CTNNA1: variants seen among roughly 807,000 people sequenced by gnomAD.
CTNNA1 encodes the protein catenin alpha 1.
CTNNA1 carries 37 observed loss-of-function variants against 98.4 expected under a neutral mutation model. The ratio of observed to expected loss-of-function variants is 0.38; its 90% confidence interval spans 0.29 to 0.49. The LOEUF is 0.49. Among genes scored for constraint, CTNNA1 ranks in the 20% least tolerant of loss-of-function variants. CTNNA1 has a pLI of 0.95. For synonymous variants in CTNNA1, 404 were observed against 413.2 expected (o/e 0.98, Z 0.27); for missense variants, 761 against 1,147.2 (o/e 0.66, Z 4.86).
intron 7 of CTNNA1, among the ~76,000 whole-genome samples, chr5:138,842,175 C>T (rs551394528): frequency 4.6e-5 from 7 of 152,284 alleles, no homozygotes; most frequent in Non-Finnish European, 7.4e-5. Context: ...TGGCACACAC[C>T]TGTAGTTCCA....
chr5:138,874,275 G>T lies in CTNNA1; in HGVS notation c.1063-11937G>T. ...GCATCTTCTTTTACTGTTGAAATTT[G>T]ATTGTGATCTAAGTGGAGCCAAGTA... is the stretch of plus-strand genomic sequence containing the variant. On this transcript the variant is annotated intron_variant, in intron 7 of 17. Transcript: ENST00000302763. This position sits in a 1 kb window ranked among gnomAD's most constrained non-coding sequence, Gnocchi z 4.1. The T allele has an allele frequency of 6.2e-7, 1 of 1,613,982 alleles. No individual in the cohort carries two copies. The highest frequency in any genetic ancestry group is 8.5e-7 in the Non-Finnish European group (1 of 1,179,890).
At chr5:138,796,138 ACTTCT>A (rs1268368288) in intron 3 of CTNNA1, among the ~76,000 whole-genome samples, 1 of 152,208 alleles carries the variant, frequency 6.6e-6, no homozygotes, top group Non-Finnish European at 1.5e-5. Flanking sequence ...CAAACTAAAG[ACTTCT>A]CTTTAATACT....
At chr5:138,886,327 G>A in intron 8 of CTNNA1, 35 bp downstream of exon 8, 1 of 1,548,430 alleles carries the variant, frequency 6.5e-7, no homozygotes, top group Non-Finnish European at 8.7e-7. Context: ...GTTTTTCTAA[G>A]TTCTCAATTT....
chr5:138,769,541 AT>A (rs1240164111), intron 1 of CTNNA1, among the ~76,000 whole-genome samples: 1 of 149,580 alleles, frequency 6.7e-6, no homozygotes, highest in Non-Finnish European at 1.5e-5. Flanking sequence ...ATTTTATTTT[AT>A]TTTTTTTGAG....
chr5:138,832,091 G>C (rs1761329010), intron 7 of CTNNA1, among the ~76,000 whole-genome samples: 1 of 152,202 alleles, frequency 6.6e-6, no homozygotes, highest in Admixed American at 6.5e-5. Flanking sequence ...TTAAGTGAAA[G>C]TGATATCTTA....
chr5:138,771,162 A>G (rs1009292600), intron 1 of CTNNA1, among the ~76,000 whole-genome samples: 1 of 151,336 alleles, frequency 6.6e-6, no homozygotes, highest in African/African-American at 2.4e-5. Context: ...TAGTGACTAT[A>G]CAAAGGAGGC....
chr5:138,851,018 G>T (rs542463298), intron 7 of CTNNA1, among the ~76,000 whole-genome samples: 3 of 152,304 alleles, frequency 2.0e-5, no homozygotes, highest in Non-Finnish European at 2.9e-5. Flanking sequence ...GAAGAAAGAA[G>T]ATGATTCAGT....
At chr5:138,839,508 T>C (rs1012913639) in intron 7 of CTNNA1, among the ~76,000 whole-genome samples, 6 of 152,222 alleles carry the variant, frequency 3.9e-5, no homozygotes, top group Non-Finnish European at 8.8e-5. Flanking sequence ...GCCTGTATTC[T>C]GTTATTGTTG....
rs1215283244 is a variant in CTNNA1 at position 138,886,237 on chromosome 5, C to A, written c.1088C>A (p.Ala363Glu). ...GNAGRKERSD[A>E]LNSAIDKMTK... is the part of the protein sequence containing the mutation. ...GCTGGACGTAAAGAAAGAAGTGATG[C>A]ACTCAATTCTGCAATAGATAAAATG... Residue 363 changes from alanine (A) to glutamate (E), a missense_variant, in exon 8 of 18, where the codon GCA (alanine) becomes GAA (glutamate). Coordinates refer to ENST00000302763, the MANE Select transcript of CTNNA1 (RefSeq NM_001903.5). 6.2e-7 allele frequency: 1 copy of A among 1,611,064 alleles called. No individual in the cohort carries two copies. Among genetic ancestry groups the A allele is most frequent in the Non-Finnish European group, 8.5e-7 (1 of 1,178,604 alleles).
In CTNNA1 at chr5:138,815,988, TCCATTGG is replaced by T. The variant is rs1296947612; in HGVS notation, c.588+3689_588+3695del. Among the ~76,000 whole-genome samples, 3 of 152,212 alleles carry T rather than the reference TCCATTGG, an allele frequency of 2.0e-5. No individual in the cohort carries two copies. The East Asian group carries it at 5.8e-4, about 29-fold the overall frequency. The stretch of plus-strand genomic sequence containing the variant: ...ACTTCATTATTTCTTTTGGGCACTG[TCCATTGG>T]CCTCCTTCAGTAGAATTTATTCCTC... On this transcript the variant is annotated intron_variant, in intron 5 of 17. Coordinates refer to ENST00000302763, the MANE Select transcript of CTNNA1 (RefSeq NM_001903.5).
rs1257232228 is a variant in CTNNA1, at chr5:138,899,782, A to C, written c.1297-4567A>C. Among the ~76,000 whole-genome samples the C allele has an allele frequency of 3.3e-5, 5 of 152,316 alleles. No homozygotes were observed. In the East Asian group the frequency reaches 9.6e-4, roughly 29 times the overall value. ...TTTCTAGCCTCTGACAATTTCTCTT[A>C]ATTTTTCACCTGCCTAGCTCTGCAT... On this transcript the variant is annotated intron_variant, in intron 9 of 17. Coordinates refer to ENST00000302763, the MANE Select transcript of CTNNA1 (RefSeq NM_001903.5).
At chr5:138,846,577 G>A (rs951345082) in intron 7 of CTNNA1, among the ~76,000 whole-genome samples, 3 of 151,996 alleles carry the variant, frequency 2.0e-5, no homozygotes, top group African/African-American at 7.3e-5. Flanking sequence ...TTTGAAACAC[G>A]GCCTGTGTCT....
rs140414376 is a variant in CTNNA1 at position 138,933,111 on chromosome 5, G to C, written c.2433+399G>C. Among the ~76,000 whole-genome samples the C allele has an allele frequency of 2.9e-3, 441 of 152,288 alleles. 3 individuals carry two copies. Among genetic ancestry groups the C allele is most frequent in the African/African-American group, 1.0e-2 (415 of 41,536 alleles). On this transcript the variant is annotated intron_variant, in intron 17 of 17. Transcript: ENST00000302763. ...ATGGCACCACTGCACTCCCGTCTGG[G>C]CAACAGAACAAGACTGTCTCAAAAC...
intron 13 of CTNNA1, among the ~76,000 whole-genome samples, chr5:138,926,699 C>T (rs1263929973): frequency 6.6e-6 from 1 of 152,098 alleles, no homozygotes; most frequent in Non-Finnish European, 1.5e-5. Context: ...TTTCCCCAAG[C>T]CTATGATGAT....
At chr5:138,848,597 G>A (rs764296260) in intron 7 of CTNNA1, among the ~76,000 whole-genome samples, 1 of 152,142 alleles carries the variant, frequency 6.6e-6, no homozygotes, top group African/African-American at 2.4e-5. Context: ...CTGTGTCCCT[G>A]TTGACTGTGC....
intron 7 of CTNNA1, among the ~76,000 whole-genome samples, chr5:138,862,426 C>T (rs1221553806): frequency 6.6e-6 from 1 of 152,084 alleles, no homozygotes; most frequent in Non-Finnish European, 1.5e-5. Context: ...TATAATTGTC[C>T]AAAGCTGAGA....
chr5:138,853,891 G>T (rs536359140), intron 7 of CTNNA1, among the ~76,000 whole-genome samples: 25 of 152,302 alleles, frequency 1.6e-4, no homozygotes, highest in African/African-American at 6.0e-4. Flanking sequence ...TGTCATGGGT[G>T]ATAATAAATT....
chr5:138,782,320 A>G, intron 2 of CTNNA1: 1 of 502,682 alleles, frequency 2.0e-6, no homozygotes, highest in South Asian at 1.5e-5. Flanking sequence ...GGGGAAACCC[A>G]AGAAAGGTGG....
intron 10 of CTNNA1, among the ~76,000 whole-genome samples, chr5:138,907,674 A>G (rs1759569353): frequency 6.6e-6 from 1 of 152,194 alleles, no homozygotes; most frequent in African/African-American, 2.4e-5. Context: ...TAGTTAATTC[A>G]CTAGGAGCTT....
Sources: gnomAD v4.1 joint callset for allele counts (sites outside exome capture counted in the v4.1 genomes callset) on GRCh38, gnomAD v4.1.1 for gene constraint, Gnocchi (gnomAD v3.1) non-coding constraint, MANE v1.5 for transcripts, NCBI Gene and HGNC (gene_info 2026-07-23, HGNC 2026-07-21) for gene names.